Variants in TENM2 observed in about 807,000 individuals in gnomAD.
TENM2 encodes teneurin transmembrane protein 2.
A neutral mutation model predicts 245.2 loss-of-function variants in TENM2; 52 were observed. The ratio of observed to expected loss-of-function variants is 0.21; its 90% CI spans 0.17 to 0.27. The LOEUF is 0.27. TENM2 is among the 10% of genes least tolerant of loss of function. The pLI is 1.00. For missense variants in TENM2, 3,046 were observed against 3,666.8 expected (o/e 0.83, Z 4.37); for synonymous variants, 1,363 against 1,438.9 (o/e 0.95, Z 1.19).
chr5:167,228,707 A>ATTT, the TENM2 span, among the ~76,000 whole-genome samples: 11 of 148,744 alleles, frequency 7.4e-5, no homozygotes, highest in South Asian at 2.1e-4. Context: ...ACTTCTTCCA[A>ATTT]TTTTTTTTTA....
At chr5:168,238,660 C>T (rs561285705) in intron 25 of TENM2, among the ~76,000 whole-genome samples, 1 of 152,198 alleles carries the variant, frequency 6.6e-6, no homozygotes, top group South Asian at 2.1e-4. Flanking sequence ...CCCAGCAGGG[C>T]CGTTTTGAAG....
At chr5:167,744,770 G>C (rs1761439291) in intron 2 of TENM2, among the ~76,000 whole-genome samples, 1 of 152,008 alleles carries the variant, frequency 6.6e-6, no homozygotes, top group African/African-American at 2.4e-5. Context: ...ATGTATTGTG[G>C]ACACTGTTCT....
At chr5:168,103,578 A>G (rs191203749) in intron 9 of TENM2, among the ~76,000 whole-genome samples, 2 of 151,818 alleles carry the variant, frequency 1.3e-5, no homozygotes, top group Admixed American at 1.3e-4. Flanking sequence ...TCTGTCTGAT[A>G]TTTTCCGGTG....
At chr5:167,809,399 G>T (rs1022927684) in intron 2 of TENM2, among the ~76,000 whole-genome samples, 2 of 152,202 alleles carry the variant, frequency 1.3e-5, no homozygotes, top group African/African-American at 2.4e-5. Flanking sequence ...AGTGAAAATG[G>T]CTCTCATTAT....
At chr5:167,337,683 T>A (rs1757861549) in intron 1 of TENM2, among the ~76,000 whole-genome samples, 1 of 152,158 alleles carries the variant, frequency 6.6e-6, no homozygotes, top group Admixed American at 6.5e-5. Context: ...AAACCCATTG[T>A]GTGAAAGCTT....
At chr5:167,566,151 T>C (rs1245352051) in intron 2 of TENM2, among the ~76,000 whole-genome samples, 1 of 152,126 alleles carries the variant, frequency 6.6e-6, no homozygotes, top group Non-Finnish European at 1.5e-5. Flanking sequence ...CTGGCGATTG[T>C]TTTGGTTGAT....
intron 2 of TENM2, among the ~76,000 whole-genome samples, chr5:167,795,963 T>C (rs879665419): frequency 9.9e-5 from 15 of 152,224 alleles, no homozygotes; most frequent in Non-Finnish European, 2.2e-4. Context: ...TTCTTCTTGT[T>C]ACTTTATTAC....
chr5:167,443,206 T>A (rs529484555), intron 2 of TENM2, among the ~76,000 whole-genome samples: 26 of 152,122 alleles, frequency 1.7e-4, no homozygotes, highest in Admixed American at 4.6e-4. Context: ...AAATAATGAG[T>A]CATGAAACCA....
rs58985992 is a variant in TENM2 at position 167,640,860 on chromosome 5, C to CATATATATAT, written c.503-235089_503-235080dup. Reference sequence around the variant, plus strand: ...ATATATCCATATATATATATATATCCATATATATATATATATATATATATA... The same window carrying CATATATATAT: ...ATATATCCATATATATATATATATCCATATATATATATATATATATATATATATATATATA... On this transcript the variant is annotated intron_variant, in intron 2 of 28. Coordinates refer to ENST00000518659, the Ensembl canonical transcript of TENM2. Among the ~76,000 whole-genome samples, 282 of 47,292 alleles carry CATATATATAT rather than the reference C, an allele frequency of 6.0e-3. 27 individuals carry two copies. Among genetic ancestry groups the CATATATATAT allele is most frequent in the Non-Finnish European group, 0.012 (186 of 15,528 alleles). 31.0% of individuals were successfully genotyped at this position (47,292 alleles called of 152,430 possible).
chr5:167,689,752 G>A (rs1473896246), intron 2 of TENM2, among the ~76,000 whole-genome samples: 22 of 152,034 alleles, frequency 1.4e-4, no homozygotes, highest in Admixed American at 1.4e-3. Flanking sequence ...CTCTTCATCT[G>A]TTCTTTTTTT....
chr5:168,032,870 G>A (rs80273449), intron 5 of TENM2, among the ~76,000 whole-genome samples: 1,560 of 152,272 alleles, frequency 0.01, 16 homozygotes, highest in Middle Eastern at 0.034. Context: ...AGGTGTAACT[G>A]AGCAGAGAGT....
In TENM2 at chr5:168,095,116, A is replaced by G. The variant is rs972706537; in HGVS notation, c.1712-2910A>G. 2.0e-5 allele frequency among the ~76,000 whole-genome samples: 3 copies of G among 152,104 alleles called. No homozygotes were observed. In the East Asian group the frequency reaches 5.8e-4, roughly 29 times the overall value. On this transcript the variant is annotated intron_variant, in intron 8 of 28. Coordinates refer to ENST00000518659, the Ensembl canonical transcript of TENM2. ...TTATTTCATTATATGTTACAATGTA[A>G]TAATAATAGAAATAAAATGCACAGT...
intron 1 of TENM2, among the ~76,000 whole-genome samples, chr5:167,292,501 G>A (rs1241432148): frequency 2.0e-5 from 3 of 152,084 alleles, no homozygotes; most frequent in Non-Finnish European, 2.9e-5. Context: ...TTTCAACACT[G>A]GACAATTGCT....
chr5:167,725,911 G>T (rs1390740500), intron 2 of TENM2, among the ~76,000 whole-genome samples: 2 of 151,952 alleles, frequency 1.3e-5, no homozygotes, highest in Non-Finnish European at 2.9e-5. Flanking sequence ...ATCCATTAAG[G>T]CCCGCTTCAG....
intron 2 of TENM2, among the ~76,000 whole-genome samples, chr5:167,456,912 T>C (rs1014381275): frequency 1.3e-5 from 2 of 152,228 alleles, no homozygotes; most frequent in Non-Finnish European, 2.9e-5. Flanking sequence ...GCGCTGTGGT[T>C]GATTTAGGCT....
chr5:168,169,050 G>C (rs1242641080), intron 13 of TENM2, among the ~76,000 whole-genome samples: 2 of 152,188 alleles, frequency 1.3e-5, no homozygotes, highest in Non-Finnish European at 2.9e-5. Context: ...TTACAGTCCA[G>C]CATGTGAGAG....
intron 7 of TENM2, among the ~76,000 whole-genome samples, chr5:168,081,661 A>G (rs1469174442): frequency 3.3e-5 from 5 of 152,128 alleles, no homozygotes. Flanking sequence ...GCTTGTCTGT[A>G]AAGGATTTTA....
chr5:167,993,312 T>G (rs1373764825), intron 5 of TENM2, 130 bp downstream of exon 7: 37 of 687,028 alleles, frequency 5.4e-5, no homozygotes, highest in Non-Finnish European at 9.0e-5. Flanking sequence ...GATGTGATAA[T>G]GAGTGATGGA....
At chr5:168,162,526 G>A in intron 12 of TENM2, 85 bp from the exon 15 acceptor site, 2 of 1,474,392 alleles carry the variant, frequency 1.4e-6, no homozygotes, top group Non-Finnish European at 1.8e-6. Flanking sequence ...CTGCCCTGCG[G>A]CCTTGCTCCC....
Sources: gnomAD v4.1 joint callset for allele counts (sites outside exome capture counted in the v4.1 genomes callset) on GRCh38, gnomAD v4.1.1 for gene constraint, MANE v1.5 for transcripts, NCBI Gene and HGNC (gene_info 2026-07-23, HGNC 2026-07-21) for gene names.